The following MAP4K4 variants were observed in gnomAD, a reference collection of about 807,000 sequenced individuals.
The protein encoded by MAP4K4 is HPK/GCK-like kinase HGK.
Under a neutral mutation model 189.6 loss-of-function variants are expected in MAP4K4, and 38 were observed. That is an observed-to-expected ratio of 0.20 (90% CI 0.15 to 0.26). MAP4K4 has a LOEUF of 0.26. Among genes scored for constraint, MAP4K4 ranks in the 10% least tolerant of loss-of-function variants. The probability of loss-of-function intolerance (pLI) is 1.00; values close to 1 mark genes in which losing one functional copy is unlikely to be tolerated. For missense variants in MAP4K4, 1,054 were observed against 1,726.9 expected, an observed-to-expected ratio of 0.61 and a Z score of 6.91; for synonymous variants, 610 against 624.3, an observed-to-expected ratio of 0.98 and a Z score of 0.34.
intron 2 of MAP4K4, among the ~76,000 whole-genome samples, chr2:101,785,706 C>CTTTTCCTTTTTTGAGT (rs1558914088): frequency 1.9e-4 from 1 of 5,264 alleles, no homozygotes; most frequent in South Asian, 8.1e-3. Flanking sequence ...CTCTCTCTCT[C>CTTTTCCTTTTTTGAGT]TCTCTCTCTC....
At chr2:101,760,530 ATGTG>A (rs34293909) in intron 2 of MAP4K4, among the ~76,000 whole-genome samples, 8,833 of 138,518 alleles carry the variant, frequency 0.064, 672 homozygotes, top group African/African-American at 0.18. Flanking sequence ...ATATGTATAT[ATGTG>A]TGTGTGTGTG....
exon 31 of MAP4K4, chr2:101,887,837 G>A (rs753534395): frequency 1.3e-5 from 21 of 1,613,300 alleles, no homozygotes; most frequent in Non-Finnish European, 1.7e-5. Flanking sequence ...ATGGAATGGA[G>A]CTTCTGGTGT....
chr2:101,849,187 A>C (rs561942557), intron 12 of MAP4K4, among the ~76,000 whole-genome samples: 1 of 152,104 alleles, frequency 6.6e-6, no homozygotes, highest in South Asian at 2.1e-4. Flanking sequence ...CAGTGGTGCA[A>C]TCTCAGCTCA....
chr2:101,849,390 A>T (rs532101511), intron 12 of MAP4K4, among the ~76,000 whole-genome samples: 1 of 152,246 alleles, frequency 6.6e-6, no homozygotes, highest in South Asian at 2.1e-4. Context: ...CAGCCTCCCA[A>T]AGTGCTGGAA....
At chr2:101,716,924 A>C (rs1333270066) in intron 2 of MAP4K4, among the ~76,000 whole-genome samples, 1 of 152,202 alleles carries the variant, frequency 6.6e-6, no homozygotes, top group Non-Finnish European at 1.5e-5. Context: ...AGTATTATAA[A>C]ACATTCAACT....
chr2:101,844,037 A>G (rs887020735), intron 11 of MAP4K4, 64 bp from the exon 12 acceptor site: 12 of 1,111,870 alleles, frequency 1.1e-5, no homozygotes, highest in South Asian at 6.8e-5. Flanking sequence ...TGCTGGTGCT[A>G]TTGACTCACT....
At chr2:101,871,634 G>T (rs980439104) in exon 24 of MAP4K4, 34 of 1,536,340 alleles carry the variant, frequency 2.2e-5, no homozygotes, top group Admixed American at 5.9e-5. Context: ...CCAGCCAGCC[G>T]ACACCCACCA....
At chr2:101,786,753 A>G (rs2091406470) in intron 2 of MAP4K4, among the ~76,000 whole-genome samples, 1 of 152,162 alleles carries the variant, frequency 6.6e-6, no homozygotes, top group Non-Finnish European at 1.5e-5. Context: ...AACTGAAGAA[A>G]ATTCAAAGTT....
intron 2 of MAP4K4, among the ~76,000 whole-genome samples, chr2:101,722,762 T>C (rs935383174): frequency 6.6e-5 from 10 of 152,364 alleles, no homozygotes; most frequent in African/African-American, 2.2e-4. Context: ...TTCAGAAGGC[T>C]AAGGACTAAA....
chr2:101,811,699 C>T (rs2095441379), intron 3 of MAP4K4, among the ~76,000 whole-genome samples: 1 of 152,096 alleles, frequency 6.6e-6, no homozygotes, highest in African/African-American at 2.4e-5. Flanking sequence ...ATGAAGTGGG[C>T]CCACAGTTCG....
At chr2:101,707,534 A>C (rs2149256128) in intron 2 of MAP4K4, among the ~76,000 whole-genome samples, 1 of 151,930 alleles carries the variant, frequency 6.6e-6, no homozygotes, top group East Asian at 2.0e-4. Flanking sequence ...GTCTTTTGAG[A>C]CAGAGTTTTG....
At chr2:101,755,941 T>C (rs984036606) in intron 2 of MAP4K4, among the ~76,000 whole-genome samples, 4 of 130,072 alleles carry the variant, frequency 3.1e-5, no homozygotes, top group Non-Finnish European at 4.9e-5. Context: ...TTTTTTTTTT[T>C]TTTTTTTTTT....
At chr2:101,817,621 G>A (rs912019917) in intron 3 of MAP4K4, among the ~76,000 whole-genome samples, 18 of 152,182 alleles carry the variant, frequency 1.2e-4, no homozygotes, top group Non-Finnish European at 2.2e-4. Context: ...AAGATGGAGG[G>A]GATCCAGAGG....
intron 1 of MAP4K4, 34 bp downstream of exon 1, chr2:101,698,171 G>GGGCAGCCGGCAGCCGGCAGCC (rs572189095): frequency 1.5e-5 from 14 of 959,302 alleles, no homozygotes; most frequent in South Asian, 2.6e-5. Flanking sequence ...CGCGGGGAGC[G>GGGCAGCCGGCAGCCGGCAGCC]GGCAGCCGGC....
intron 9 of MAP4K4, among the ~76,000 whole-genome samples, chr2:101,837,113 T>A (rs568471642): frequency 1.3e-5 from 2 of 151,916 alleles, no homozygotes; most frequent in Non-Finnish European, 2.9e-5. Flanking sequence ...TTTTTTTTTT[T>A]TTGAAACAGT....
intron 2 of MAP4K4, among the ~76,000 whole-genome samples, chr2:101,754,375 G>T (rs2071116934): frequency 2.7e-5 from 3 of 110,640 alleles, no homozygotes; most frequent in African/African-American, 3.6e-5. Context: ...TTTGAGAGAT[G>T]GAATCTTGCT....
At chr2:101,795,317 T>G (rs2093574777) in intron 3 of MAP4K4, among the ~76,000 whole-genome samples, 1 of 152,230 alleles carries the variant, frequency 6.6e-6, no homozygotes, top group Admixed American at 6.5e-5. Flanking sequence ...AAAATGATGA[T>G]TTTACGTTCT....
chr2:101,833,468 A>C (rs1472043960), intron 7 of MAP4K4, among the ~76,000 whole-genome samples: 1 of 151,744 alleles, frequency 6.6e-6, no homozygotes, highest in East Asian at 1.9e-4. Flanking sequence ...AAAATACAAA[A>C]AATTAGCCGG....
chr2:101,861,123 A>C, intron 16 of MAP4K4, 137 bp downstream of exon 16: 1 of 750,656 alleles, frequency 1.3e-6, no homozygotes, highest in Non-Finnish European at 2.1e-6. Flanking sequence ...AGTTTAGACT[A>C]AAAGAAGGCA....
Sources: allele counts gnomAD v4.1 joint callset (sites outside exome capture counted in the v4.1 genomes callset), GRCh38; gene constraint gnomAD v4.1.1; transcripts MANE v1.5; gene names NCBI Gene and HGNC (gene_info 2026-07-23, HGNC 2026-07-21).